PCDH15: variants seen among roughly 807,000 people sequenced by gnomAD.
PCDH15 encodes the protein protocadherin-15.
A neutral mutation model predicts 178.5 loss-of-function variants in PCDH15; 129 were observed. The ratio of observed to expected loss-of-function variants is 0.72; its 90% confidence interval spans 0.63 to 0.84. The LOEUF (loss-of-function observed/expected upper bound fraction) is 0.84, where lower values mean the gene tolerates loss of function less well. Among genes scored for constraint, PCDH15 ranks in the 40% least tolerant of loss-of-function variants. PCDH15 has a pLI of 0.00. For synonymous variants in PCDH15, 800 were observed against 732.0 expected (o/e 1.09, Z -1.50); for missense variants, 2,230 against 2,099.9 (o/e 1.06, Z -1.21).
intron 1 of PCDH15, among the ~76,000 whole-genome samples, chr10:55,309,662 A>C (rs909051890): frequency 1.3e-5 from 2 of 152,236 alleles, no homozygotes; most frequent in African/African-American, 4.8e-5. Flanking sequence ...AATAGGAAAA[A>C]AATAGTTTCT....
intron 21 of PCDH15, among the ~76,000 whole-genome samples, chr10:53,981,734 A>G (rs1370340163): frequency 2.0e-5 from 3 of 151,046 alleles, no homozygotes; most frequent in African/African-American, 7.3e-5. Context: ...AAACCTAGGC[A>G]TTACCATTCA....
intron 1 of PCDH15, among the ~76,000 whole-genome samples, chr10:54,713,653 C>T (rs921851585): frequency 1.7e-4 from 26 of 152,086 alleles, no homozygotes; most frequent in African/African-American, 5.1e-4. Flanking sequence ...ATCTTCATGA[C>T]GAAACACTTA....
At chr10:55,599,418 G>C (rs1843017755) in intron 2 of PCDH15, 1 of 152,250 alleles carries the variant, frequency 6.6e-6, no homozygotes, top group East Asian at 1.9e-4. Flanking sequence ...CCTATAGAGA[G>C]TAAAAGATTT....
At chr10:55,348,429 G>T (rs192494221) in intron 2 of PCDH15, among the ~76,000 whole-genome samples, 1 of 151,378 alleles carries the variant, frequency 6.6e-6, no homozygotes, top group East Asian at 1.9e-4. Context: ...CAATAATAAC[G>T]AGGCCCTAAT....
intron 23 of PCDH15, among the ~76,000 whole-genome samples, chr10:53,950,005 G>A (rs1054580464): frequency 1.3e-5 from 2 of 151,990 alleles, no homozygotes; most frequent in African/African-American, 4.8e-5. Flanking sequence ...AGTATAAATT[G>A]TGTAAAACTT....
intron 2 of PCDH15, among the ~76,000 whole-genome samples, chr10:55,464,625 A>AATATATAT (rs201924826): frequency 2.3e-3 from 143 of 62,968 alleles, no homozygotes; most frequent in Admixed American, 4.5e-3. Flanking sequence ...AATGGGAGTA[A>AATATATAT]ATATATATAT....
chr10:54,652,606 A>G (rs182612208), intron 2 of PCDH15, among the ~76,000 whole-genome samples: 1 of 152,310 alleles, frequency 6.6e-6, no homozygotes, highest in East Asian at 1.9e-4. Flanking sequence ...TTAAGTTAAA[A>G]TGAGGCTCTT....
chr10:54,177,470 T>A (rs994891828), intron 13 of PCDH15, among the ~76,000 whole-genome samples: 1 of 151,988 alleles, frequency 6.6e-6, no homozygotes, highest in Non-Finnish European at 1.5e-5. Context: ...TTGTGGCAAA[T>A]GTATCACTTT....
At chr10:54,973,691 T>C (rs1287797034) in intron 2 of PCDH15, among the ~76,000 whole-genome samples, 2 of 152,112 alleles carry the variant, frequency 1.3e-5, no homozygotes, top group East Asian at 1.9e-4. Context: ...CCTTGTCTCA[T>C]GTGAAGAAAA....
At chr10:54,383,585 T>C (rs1949508968) in intron 3 of PCDH15, among the ~76,000 whole-genome samples, 1 of 150,840 alleles carries the variant, frequency 6.6e-6, no homozygotes. Context: ...ATTGCTGCAG[T>C]TAAAATTAAA....
At chr10:55,378,889 C>G (rs1355229003) in intron 2 of PCDH15, among the ~76,000 whole-genome samples, 3 of 151,308 alleles carry the variant, frequency 2.0e-5, no homozygotes, top group African/African-American at 7.3e-5. Context: ...CTCTCTCTCT[C>G]TCTCTCTCTC....
chr10:54,164,479 G>A (rs186546619), intron 13 of PCDH15, among the ~76,000 whole-genome samples: 13 of 152,218 alleles, frequency 8.5e-5, no homozygotes, highest in African/African-American at 2.9e-4. Flanking sequence ...TTGAATTTAC[G>A]TGTGTAAACT....
At chr10:55,081,785 C>T (rs1842047081) in intron 2 of PCDH15, among the ~76,000 whole-genome samples, 1 of 152,122 alleles carries the variant, frequency 6.6e-6, no homozygotes, top group Admixed American at 6.6e-5. Context: ...TTATAAGCTA[C>T]TTAATTTATG....
At chr10:55,200,981 A>G (rs1374655861) in intron 1 of PCDH15, among the ~76,000 whole-genome samples, 1 of 152,110 alleles carries the variant, frequency 6.6e-6, no homozygotes. Context: ...GTAATTCCTT[A>G]TAGCAACATG....
intron 1 of PCDH15, among the ~76,000 whole-genome samples, chr10:54,752,401 C>T (rs1045660517): frequency 4.7e-5 from 7 of 150,072 alleles, no homozygotes; most frequent in Admixed American, 4.0e-4. Flanking sequence ...GGCGTGAACC[C>T]GGGAGGCAGA....
chr10:55,481,200 G>T (rs1442651987), intron 2 of PCDH15, among the ~76,000 whole-genome samples: 1 of 151,390 alleles, frequency 6.6e-6, no homozygotes, highest in East Asian at 1.9e-4. Context: ...TATCATTTCT[G>T]ATTGTATTTA....
At chr10:55,207,971 A>AAAAC (rs560366726) in intron 1 of PCDH15, among the ~76,000 whole-genome samples, 1 of 152,138 alleles carries the variant, frequency 6.6e-6, no homozygotes, top group Non-Finnish European at 1.5e-5. Context: ...TCTATCTCAA[A>AAAAC]AAACAAACAA....
At chr10:55,225,635 T>TATGTGTGTGTGTGTTTG (rs1564909156) in intron 1 of PCDH15, among the ~76,000 whole-genome samples, 3 of 140,944 alleles carry the variant, frequency 2.1e-5, no homozygotes, top group African/African-American at 7.8e-5. Flanking sequence ...GTGTGTGTGT[T>TATGTGTGTGTGTGTTTG]TGTGTGTGTG....
intron 2 of PCDH15, among the ~76,000 whole-genome samples, chr10:55,625,943 T>G (rs2262189): frequency 1.3e-5 from 2 of 151,968 alleles, no homozygotes. Flanking sequence ...ACACACCTGG[T>G]TCAGCAGGAA....
Sources: gnomAD v4.1 joint callset for allele counts (sites outside exome capture counted in the v4.1 genomes callset) on GRCh38, gnomAD v4.1.1 for gene constraint, MANE v1.5 for transcripts, NCBI Gene and HGNC (gene_info 2026-07-23, HGNC 2026-07-21) for gene names.